Variants in ZC3H11A observed in about 807,000 individuals in gnomAD.
ZC3H11A encodes zinc finger CCCH domain-containing protein 11A.
ZC3H11A carries 22 observed loss-of-function variants against 90.8 expected under a neutral mutation model. The observed-to-expected ratio is 0.24, with a 90% CI of 0.17 to 0.35. The LOEUF (loss-of-function observed/expected upper bound fraction) is 0.35, where lower values mean the gene tolerates loss of function less well. ZC3H11A is among the 10% of genes least tolerant of loss of function. The pLI, the probability that ZC3H11A is intolerant of heterozygous loss-of-function variation, is 1.00. For missense variants in ZC3H11A, 701 were observed against 964.9 expected, an observed-to-expected ratio of 0.73 and a Z score of 3.62; for synonymous variants, 294 against 339.8, an observed-to-expected ratio of 0.87 and a Z score of 1.48.
intron 4 of ZC3H11A, among the ~76,000 whole-genome samples, chr1:203,821,684 C>T (rs1678745775): frequency 6.6e-6 from 1 of 152,088 alleles, no homozygotes; most frequent in Admixed American, 6.5e-5. Context: ...ACTTTCAGGT[C>T]CTCTCAGTGG....
At chr1:203,814,454 G>A (rs1284374638) in intron 2 of ZC3H11A, among the ~76,000 whole-genome samples, 1 of 152,088 alleles carries the variant, frequency 6.6e-6, no homozygotes, top group Non-Finnish European at 1.5e-5. Flanking sequence ...AACCTGGGAG[G>A]CAGAGGTTGC....
chr1:203,832,395 C>T (rs1267434963), intron 9 of ZC3H11A, among the ~76,000 whole-genome samples: 1 of 151,552 alleles, frequency 6.6e-6, no homozygotes, highest in Admixed American at 6.6e-5. Context: ...GAGTCTTGCT[C>T]TGTCGCCCAG....
In ZC3H11A at chr1:203,818,658, A is replaced by G; in HGVS notation, c.143A>G (p.Gln48Arg). The change falls in exon 4 of 18, where the codon CAG (glutamine) becomes CGG (arginine). Residue 48 changes from glutamine to arginine, a missense_variant. Gln to Arg is a conservative substitution (Grantham distance 43). Coordinates refer to ENST00000367210, the MANE Select transcript of ZC3H11A (RefSeq NM_001376342.1). ...TGGCAAGAAGGGCGCTGTTTTCGAC[A>G]GGTGTGCAGGTTTCGGCACATGGAG... ...TLWQEGRCFRQVCRFRHMEID... is the reference protein window; with the variant it reads ...TLWQEGRCFRRVCRFRHMEID... 1 of 1,614,228 alleles carries G rather than the reference A, an allele frequency of 6.2e-7. No individual in the cohort carries two copies. Among genetic ancestry groups the G allele is most frequent in the Non-Finnish European group, 8.5e-7 (1 of 1,180,036 alleles).
At chr1:203,809,952 C>G (rs1673779743) in intron 2 of ZC3H11A, among the ~76,000 whole-genome samples, 1 of 151,916 alleles carries the variant, frequency 6.6e-6, no homozygotes, top group Non-Finnish European at 1.5e-5. Flanking sequence ...GAGACTCTCT[C>G]AAAAATAACA....
chr1:203,847,846 C>T (rs994507827), intron 13 of ZC3H11A, among the ~76,000 whole-genome samples, 159 bp downstream of exon 13: 1 of 151,936 alleles, frequency 6.6e-6, no homozygotes, highest in African/African-American at 2.4e-5. Context: ...CTATGTAGAC[C>T]TATGCTATTT....
In ZC3H11A at chr1:203,821,845, C is replaced by A. The variant is rs191536562; in HGVS notation, c.174+3156C>A. On this transcript the variant is annotated intron_variant, in intron 4 of 17. Transcript: ENST00000367210. ...CGATCTCCGCTCACTGCAAGCTCCGCCTCATTGGTTCACACCATTCTCCTG... is the reference window on the plus strand; with the variant it reads ...CGATCTCCGCTCACTGCAAGCTCCGACTCATTGGTTCACACCATTCTCCTG... Among the ~76,000 whole-genome samples, 110 of 152,070 alleles carry A rather than the reference C, an allele frequency of 7.2e-4. 2 individuals are homozygous for A. The East Asian group carries it at 0.018, about 25-fold the overall frequency.
At chr1:203,838,298 A>G (rs1684998948) in intron 11 of ZC3H11A, among the ~76,000 whole-genome samples, 1 of 152,248 alleles carries the variant, frequency 6.6e-6, no homozygotes, top group Non-Finnish European at 1.5e-5. Context: ...GCAGGTAGGA[A>G]TACTTATAAA....
intron 11 of ZC3H11A, among the ~76,000 whole-genome samples, chr1:203,839,948 C>T (rs1156449587): frequency 6.7e-6 from 1 of 149,036 alleles, no homozygotes; most frequent in East Asian, 2.0e-4. Context: ...AGATTACAGG[C>T]ATGTGCCACC....
chr1:203,849,862 T>C lies in ZC3H11A; in HGVS notation c.1775T>C (p.Val592Ala), dbSNP rs1320347653. Residue 592 changes from valine (V) to alanine (A), a missense_variant, in exon 15 of 18, where the codon GTG (valine) becomes GCG (alanine). Physicochemically the swap from Val to Ala is moderately conservative, Grantham distance 64 (BLOSUM62 0). Transcript: ENST00000367210. ...RGDVASCNTQ[V>A]AEKPVLTAVP... ...GATGTAGCCTCTTGCAATACCCAAGTGGCAGAGAAACCAGTGCTCACTGCT... is the reference window on the plus strand; with the variant it reads ...GATGTAGCCTCTTGCAATACCCAAGCGGCAGAGAAACCAGTGCTCACTGCT... The C allele has an allele frequency of 3.1e-6, 5 of 1,614,074 alleles. No homozygotes were observed. The East Asian group carries it at 1.1e-4, about 36-fold the overall frequency.
intron 9 of ZC3H11A, among the ~76,000 whole-genome samples, chr1:203,833,385 C>CAAAAAA (rs1558128102): frequency 9.0e-5 from 11 of 122,102 alleles, no homozygotes; most frequent in African/African-American, 1.5e-4. Flanking sequence ...AAAAAAAAAA[C>CAAAAAA]ACCAGGTGTG....
chr1:203,804,755 C>G (rs1671702405), intron 2 of ZC3H11A, among the ~76,000 whole-genome samples: 3 of 151,104 alleles, frequency 2.0e-5, no homozygotes, highest in African/African-American at 4.9e-5. Context: ...TCATTGCAAC[C>G]TCTGCCTTCC....
In ZC3H11A at chr1:203,849,862, T is replaced by G; in HGVS notation, c.1775T>G (p.Val592Gly). Reference sequence around the variant, plus strand: ...GATGTAGCCTCTTGCAATACCCAAGTGGCAGAGAAACCAGTGCTCACTGCT... The same window carrying G: ...GATGTAGCCTCTTGCAATACCCAAGGGGCAGAGAAACCAGTGCTCACTGCT... The part of the protein sequence containing the change: ...RGDVASCNTQ[V>G]AEKPVLTAVP... Residue 592 changes from valine (V) to glycine (G), a missense_variant, in exon 15 of 18, where the codon GTG (valine) becomes GGG (glycine). Val to Gly is a moderately radical substitution (Grantham distance 109). Transcript: ENST00000367210. The G allele has an allele frequency of 1.2e-6, 2 of 1,614,074 alleles. No individual in the cohort carries two copies. The highest frequency in any genetic ancestry group is 1.7e-6 in the Non-Finnish European group (2 of 1,180,014).
At chr1:203,826,333 A>G (rs1461533352) in intron 4 of ZC3H11A, among the ~76,000 whole-genome samples, 8 of 151,222 alleles carry the variant, frequency 5.3e-5, no homozygotes. Flanking sequence ...ATACTTTTAG[A>G]AAATATCAAT....
At chr1:203,821,907 G>A (rs1051609871) in intron 4 of ZC3H11A, among the ~76,000 whole-genome samples, 2 of 151,850 alleles carry the variant, frequency 1.3e-5, no homozygotes, top group Non-Finnish European at 2.9e-5. Flanking sequence ...ACAGGTGCCC[G>A]CCACCACGCC....
intron 12 of ZC3H11A, among the ~76,000 whole-genome samples, chr1:203,842,038 G>A (rs970971218): frequency 4.0e-5 from 6 of 150,366 alleles, no homozygotes; most frequent in Non-Finnish European, 8.9e-5. Flanking sequence ...CATCTCAGAC[G>A]ATGGGCGGCC....
At chr1:203,798,187 CATTAGATG>C in intron 1 of ZC3H11A, 4 of 1,536,126 alleles carry the variant, frequency 2.6e-6, no homozygotes, top group Non-Finnish European at 3.5e-6. Context: ...CCTACTGATC[CATTAGATG>C]ATAATAGAAT....
rs200475219 is a variant in ZC3H11A at position 203,839,183 on chromosome 1, CAA to C, written c.973+1120_973+1121del. Among the ~76,000 whole-genome samples, 392 of 152,184 alleles carry C rather than the reference CAA, an allele frequency of 2.6e-3. 5 individuals carry two copies. Among genetic ancestry groups the C allele is most frequent in the African/African-American group, 8.6e-3 (356 of 41,530 alleles). Reference sequence around the variant, plus strand: ...GTTGATTTGGAGACGTGGACTAAATCAAGAGATAGCTGGGAGTTAGATTTTTG... The same window carrying C: ...GTTGATTTGGAGACGTGGACTAAATCGAGATAGCTGGGAGTTAGATTTTTG... On this transcript the variant is annotated intron_variant, in intron 11 of 17. Coordinates refer to ENST00000367210, the MANE Select transcript of ZC3H11A (RefSeq NM_001376342.1).
rs1410267533 is a variant in ZC3H11A at position 203,847,706 on chromosome 1, C to G, written c.1546+19C>G. ...AGAACAGGTAACAAGAGAACTTGGTCTCTAGTACCACGTCCCCACATAATA... is the reference window on the plus strand; with the variant it reads ...AGAACAGGTAACAAGAGAACTTGGTGTCTAGTACCACGTCCCCACATAATA... On this transcript the variant is annotated intron_variant, in intron 13 of 17. Transcript: ENST00000367210. 5.0e-6 allele frequency: 8 copies of G among 1,606,274 alleles called. No homozygotes were observed. Among genetic ancestry groups the G allele is most frequent in the Non-Finnish European group, 5.9e-6 (7 of 1,177,670 alleles).
intron 2 of ZC3H11A, among the ~76,000 whole-genome samples, chr1:203,815,328 C>T (rs1675995115): frequency 7.2e-6 from 1 of 139,710 alleles, no homozygotes; most frequent in African/African-American, 2.7e-5. Context: ...GATTCTTGTG[C>T]CTCAGCTCCC....
Sources: allele counts gnomAD v4.1 joint callset (sites outside exome capture counted in the v4.1 genomes callset), GRCh38; gene constraint gnomAD v4.1.1; transcripts MANE v1.5; gene names NCBI Gene and HGNC (gene_info 2026-07-23, HGNC 2026-07-21).